PCDHA6: variants seen among roughly 807,000 people sequenced by gnomAD.
PCDHA6 encodes protocadherin alpha 6.
In PCDHA6, 55 loss-of-function variants were observed where a neutral mutation model predicts 60.3. The ratio of observed to expected loss-of-function variants is 0.91; its 90% CI spans 0.73 to 1.14. PCDHA6 has a LOEUF of 1.14. Ranked by LOEUF, PCDHA6 falls within the 50% of genes most tolerant of loss-of-function variation. The probability of loss-of-function intolerance (pLI) is 0.00; values close to 1 mark genes in which losing one functional copy is unlikely to be tolerated. For missense variants in PCDHA6, 1,327 were observed against 1,256.5 expected, an observed-to-expected ratio of 1.06 and a Z score of -0.85; for synonymous variants, 652 against 557.9, an observed-to-expected ratio of 1.17 and a Z score of -2.38.
At chr5:140,981,859 C>A (rs2096954450) in intron 2 of PCDHA6, among the ~76,000 whole-genome samples, 1 of 152,118 alleles carries the variant, frequency 6.6e-6, no homozygotes, top group African/African-American at 2.4e-5. Flanking sequence ...TCACTCCCAG[C>A]AATGTTTTAT....
intron 1 of PCDHA6, among the ~76,000 whole-genome samples, chr5:140,948,089 G>A (rs1348120900): frequency 6.6e-6 from 1 of 151,454 alleles, no homozygotes; most frequent in African/African-American, 2.4e-5. Flanking sequence ...CTATTGATAT[G>A]AGCATATGAT....
intron 3 of PCDHA6, among the ~76,000 whole-genome samples, chr5:140,994,812 A>G (rs565084284): frequency 6.6e-5 from 10 of 152,328 alleles, no homozygotes; most frequent in African/African-American, 2.2e-4. Flanking sequence ...CAAAATACAA[A>G]AAACTGAATT....
intron 1 of PCDHA6, among the ~76,000 whole-genome samples, chr5:140,954,014 A>G (rs782347890): frequency 1.3e-5 from 2 of 152,038 alleles, no homozygotes; most frequent in African/African-American, 4.8e-5. Context: ...CAGCTCCCAC[A>G]CATAGTGGGA....
In PCDHA6 at chr5:140,966,434, C is replaced by G. The variant is rs889087342; in HGVS notation, c.2395-12515C>G. 9 of 423,984 alleles carry G rather than the reference C, an allele frequency of 2.1e-5. No individual in the cohort carries two copies. In the Admixed American group the frequency reaches 3.9e-4, roughly 19 times the overall value. The allele number at this position is 423,984 out of a possible 1,614,324, so 26.3% of individuals were successfully genotyped here. On this transcript the variant is annotated intron_variant, in intron 1 of 3. Coordinates refer to ENST00000529310, the MANE Select transcript of PCDHA6 (RefSeq NM_018909.4). ...GAGCAGGACTTGCTGAGCCCTCCTA[C>G]CGCTCCCTTTCCCCCTCCCCCTCTG...
intron 1 of PCDHA6, among the ~76,000 whole-genome samples, chr5:140,902,590 A>G (rs1266008229): frequency 6.6e-6 from 1 of 151,942 alleles, no homozygotes; most frequent in African/African-American, 2.4e-5. Flanking sequence ...TAGTTTTGGG[A>G]AACAGGTCGT....
chr5:140,850,958 A>C (rs2150503998), intron 1 of PCDHA6: 1 of 1,481,832 alleles, frequency 6.7e-7, no homozygotes, highest in Admixed American at 2.4e-5. Context: ...GATTACTCCC[A>C]GGGGCCGTTC....
chr5:140,841,588 G>C, intron 1 of PCDHA6: 1 of 1,614,070 alleles, frequency 6.2e-7, no homozygotes. Context: ...TGAATTCTCG[G>C]ATCGACCGCG....
intron 1 of PCDHA6, among the ~76,000 whole-genome samples, chr5:140,872,146 T>C (rs1554166047): frequency 6.6e-6 from 1 of 152,134 alleles, no homozygotes; most frequent in African/African-American, 2.4e-5. Context: ...ACTCCATTAG[T>C]ATGACATGAT....
chr5:141,008,375 C>T (rs77600037), intron 3 of PCDHA6, among the ~76,000 whole-genome samples: 2,306 of 152,234 alleles, frequency 0.015, 24 homozygotes, highest in Middle Eastern at 0.031. Flanking sequence ...GTGTTAGATA[C>T]ATAAACATTG....
Position 140,857,895 on chromosome 5 carries a change from G to C in PCDHA6, c.2394+27410G>C. 1.3e-6 allele frequency: 2 copies of C among 1,597,868 alleles called. 1 individual carries two copies. The highest frequency in any genetic ancestry group is 2.2e-5 in the South Asian group (2 of 90,498). ...TATGAATTGCAGTCGGCGGCGGTTG[G>C]TGCACGCATCCCGTTTCGCGTGGGG... On this transcript the variant is annotated intron_variant, in intron 1 of 3. Coordinates refer to ENST00000529310, the MANE Select transcript of PCDHA6 (RefSeq NM_018909.4).
intron 3 of PCDHA6, among the ~76,000 whole-genome samples, chr5:140,986,982 G>A (rs782173410): frequency 3.9e-5 from 6 of 152,164 alleles, no homozygotes; most frequent in Non-Finnish European, 8.8e-5. Context: ...GGGAGGCCAA[G>A]GCAGGCAGAT....
chr5:140,884,497 C>T, intron 1 of PCDHA6: 1 of 1,614,042 alleles, frequency 6.2e-7, no homozygotes, highest in Non-Finnish European at 8.5e-7. Flanking sequence ...TGTGCTCCAG[C>T]GCGGCAGGGA....
chr5:140,959,373 C>CA lies in PCDHA6; in HGVS notation c.2395-19566dup, dbSNP rs1243465116. Among the ~76,000 whole-genome samples the CA allele has an allele frequency of 8.3e-3, 1,208 of 145,190 alleles. 7 individuals carry two copies. Among genetic ancestry groups the CA allele is most frequent in the Admixed American group, 0.016 (228 of 14,544 alleles). ...GGGACAACTGAGTGAGACCCTGTCT[C>CA]AAAAAAAAAAGTCACAAATTAAGAT... On this transcript the variant is annotated intron_variant, in intron 1 of 3. Coordinates refer to ENST00000529310, the MANE Select transcript of PCDHA6 (RefSeq NM_018909.4).
intron 1 of PCDHA6, chr5:140,882,150 C>T: frequency 1.3e-6 from 2 of 1,501,768 alleles, no homozygotes; most frequent in Non-Finnish European, 1.8e-6. Context: ...TAGCAGAAAG[C>T]GGAATACCTC....
chr5:140,891,602 T>G (rs1002471186), intron 1 of PCDHA6, among the ~76,000 whole-genome samples: 16 of 152,184 alleles, frequency 1.1e-4, no homozygotes, highest in Non-Finnish European at 1.8e-4. Context: ...TCCCATCTAT[T>G]TCTACCTTTT....
At chr5:140,995,571 T>A (rs2097689586) in intron 3 of PCDHA6, among the ~76,000 whole-genome samples, 1 of 152,252 alleles carries the variant, frequency 6.6e-6, no homozygotes, top group Admixed American at 6.5e-5. Flanking sequence ...TATGTCAAGA[T>A]GAGCTATGAG....
chr5:141,003,044 T>C (rs1459180030), intron 3 of PCDHA6, among the ~76,000 whole-genome samples: 1 of 152,230 alleles, frequency 6.6e-6, no homozygotes, highest in African/African-American at 2.4e-5. Flanking sequence ...CCTCCTGGCC[T>C]TAACAGAACA....
At chr5:140,876,395 T>C (rs1562712555) in intron 1 of PCDHA6, 2 of 1,613,920 alleles carry the variant, frequency 1.2e-6, no homozygotes, top group Non-Finnish European at 8.5e-7. Flanking sequence ...TATGGTGAAC[T>C]GGATTTTGAA....
At chr5:140,941,214 C>CCTTTCTTCCTTTCTTTCTTTCTTTCTTT (rs2092875794) in intron 1 of PCDHA6, among the ~76,000 whole-genome samples, 1 of 122,414 alleles carries the variant, frequency 8.2e-6, no homozygotes, top group Non-Finnish European at 1.7e-5. Flanking sequence ...TTTCTTTCTT[C>CCTTTCTTCCTTTCTTTCTTTCTTTCTTT]CTTTCTTTCT....
Sources: gnomAD v4.1 joint callset for allele counts (sites outside exome capture counted in the v4.1 genomes callset) on GRCh38, gnomAD v4.1.1 for gene constraint, MANE v1.5 for transcripts, NCBI Gene and HGNC (gene_info 2026-07-23, HGNC 2026-07-21) for gene names.